The following GATA4 variants were observed in gnomAD, a reference collection of about 807,000 sequenced individuals.
GATA4 encodes GATA binding protein 4, also known as transcription factor GATA-4.
A neutral mutation model predicts 37.9 loss-of-function variants in GATA4; 7 were observed. The observed-to-expected ratio is 0.18, with a 90% confidence interval of 0.11 to 0.35. The LOEUF is 0.35. GATA4 is among the 10% of genes least tolerant of loss of function. GATA4 has a pLI of 1.00. For synonymous variants in GATA4, 372 were observed against 292.6 expected (o/e 1.27, Z -2.77); for missense variants, 647 against 653.0 (o/e 0.99, Z 0.10).
chr8:11,703,676 C>A (rs1336549632), upstream of GATA4, among the ~76,000 whole-genome samples: 1 of 152,238 alleles, frequency 6.6e-6, no homozygotes, highest in African/African-American at 2.4e-5. Flanking sequence ...GGTCTCTACG[C>A]TCTGATTTTA....
chr8:11,709,351 C>T lies in GATA4; in HGVS notation c.616+423C>T, dbSNP rs186453507. On this transcript the variant is annotated intron_variant, in intron 2 of 6. Transcript: ENST00000532059. The surrounding 1 kb of genome is among the most constrained non-coding windows in gnomAD (Gnocchi z 4.3). ...CTTTCCTCCCCGCCCGCCCTCGGGC[C>T]TCCGCAGGGAACTGATTACAATGGT... Among the ~76,000 whole-genome samples, 81 of 152,348 alleles carry T rather than the reference C, an allele frequency of 5.3e-4. No individual in the cohort carries two copies. The East Asian group carries it at 0.014, about 27-fold the overall frequency.
At chr8:11,731,557 G>A (rs1286416000) in intron 2 of GATA4, among the ~76,000 whole-genome samples, 3 of 152,216 alleles carry the variant, frequency 2.0e-5, no homozygotes, top group African/African-American at 7.2e-5. Context: ...CAGAAGAGGG[G>A]TTGCCAGGTG....
chr8:11,757,140 C>G, intron 6 of GATA4, 57 bp downstream of exon 6: 1 of 1,605,680 alleles, frequency 6.2e-7, no homozygotes, highest in South Asian at 1.1e-5. Flanking sequence ...CTGCAGAGTC[C>G]CAGAGGCCAG....
chr8:11,735,622 G>T (rs1169895786), intron 2 of GATA4, among the ~76,000 whole-genome samples: 4 of 152,130 alleles, frequency 2.6e-5, no homozygotes, highest in African/African-American at 7.2e-5. Context: ...GAGTGCAATG[G>T]TGCAATCTCG....
At chr8:11,682,130 A>G (rs1310128397) in intron 1 of GATA4, among the ~76,000 whole-genome samples, 1 of 152,218 alleles carries the variant, frequency 6.6e-6, no homozygotes, top group African/African-American at 2.4e-5. Context: ...CTAATGGCAC[A>G]TTTTAAATAA....
chr8:11,714,373 G>A (rs147300339), intron 2 of GATA4, among the ~76,000 whole-genome samples: 17 of 152,298 alleles, frequency 1.1e-4, no homozygotes, highest in Admixed American at 1.0e-3. Flanking sequence ...TTTTTATGGT[G>A]CAGGTCAGTG....
At chr8:11,743,531 G>T (rs1014197462) in intron 2 of GATA4, among the ~76,000 whole-genome samples, 5 of 152,238 alleles carry the variant, frequency 3.3e-5, no homozygotes, top group Non-Finnish European at 7.3e-5. Flanking sequence ...TGTCTCCCCA[G>T]CGGCCAGCAG....
In GATA4 at chr8:11,709,581, G is replaced by GT. The variant is rs1322868188; in HGVS notation, c.616+653_616+654insT. Among the ~76,000 whole-genome samples, 2 of 151,846 alleles carry GT rather than the reference G, an allele frequency of 1.3e-5. No homozygotes were observed. Among genetic ancestry groups the GT allele is most frequent in the Non-Finnish European group, 2.9e-5 (2 of 67,836 alleles). ...GGGCGCATCATGCGGGCAGCGGGGG[G>GT]GGGGGCGCACACGCCCGGTCAGTGT... On this transcript the variant is annotated intron_variant, in intron 2 of 6. Transcript: ENST00000532059. The surrounding 1 kb of genome is among the most constrained non-coding windows in gnomAD (Gnocchi z 4.3).
chr8:11,695,935 TA>T (rs1799495917), intron 1 of GATA4, among the ~76,000 whole-genome samples: 1 of 152,200 alleles, frequency 6.6e-6, no homozygotes, highest in South Asian at 2.1e-4. Flanking sequence ...AATGATCCTT[TA>T]AAAAGAAATG....
upstream of GATA4, among the ~76,000 whole-genome samples, chr8:11,702,407 C>T (rs1245865397): frequency 6.6e-6 from 1 of 151,938 alleles, no homozygotes; most frequent in African/African-American, 2.4e-5. The surrounding 1 kb of genome is among the most constrained non-coding windows in gnomAD (Gnocchi z 4.4). Flanking sequence ...CCCAGATTTT[C>T]CACTCTCCAG....
At chr8:11,702,393 C>G (rs1272643173), upstream of GATA4, among the ~76,000 whole-genome samples, 2 of 151,988 alleles carry the variant, frequency 1.3e-5, no homozygotes, top group African/African-American at 4.8e-5. The surrounding 1 kb of genome is among the most constrained non-coding windows in gnomAD (Gnocchi z 4.4). Context: ...CCCGCTCGCC[C>G]AAGCCCAGAT....
At chr8:11,697,713 C>A (rs1799547003) in intron 1 of GATA4, 1 of 985,366 alleles carries the variant, frequency 1.0e-6, no homozygotes, top group East Asian at 1.1e-4. Flanking sequence ...CTTCGCGCTT[C>A]CTTGACACTT....
intron 2 of GATA4, among the ~76,000 whole-genome samples, chr8:11,734,430 C>T (rs1406229705): frequency 1.3e-5 from 2 of 152,218 alleles, no homozygotes; most frequent in Non-Finnish European, 2.9e-5. Flanking sequence ...TTGCAGAAGA[C>T]CATCATCTCA....
intron 2 of GATA4, among the ~76,000 whole-genome samples, chr8:11,738,689 T>C (rs1295203377): frequency 6.6e-6 from 1 of 152,226 alleles, no homozygotes; most frequent in East Asian, 1.9e-4. Context: ...CACATGCATT[T>C]ATACTTTTGA....
At chr8:11,753,578 G>A (rs894131788) in intron 4 of GATA4, among the ~76,000 whole-genome samples, 2 of 151,466 alleles carry the variant, frequency 1.3e-5, no homozygotes, top group African/African-American at 2.4e-5. Context: ...TTGAACATTT[G>A]AGGCATAGCT....
At chr8:11,688,798 G>A (rs1399398108), upstream of GATA4, among the ~76,000 whole-genome samples, 3 of 152,168 alleles carry the variant, frequency 2.0e-5, no homozygotes, top group Non-Finnish European at 4.4e-5. Flanking sequence ...AAGAATTGAT[G>A]GCCCCAATTA....
Position 11,758,729 on chromosome 8 carries a change from T to G in GATA4, c.*254T>G. ...AGCACACTGCATCTCTCCTGTGAGT[T>G]GGAGACTTCTTTCCCAAGATGTCCT... On this transcript the variant is annotated 3_prime_UTR_variant, in exon 7 of 7. Transcript: ENST00000532059. 1 of 540,516 alleles carries G rather than the reference T, an allele frequency of 1.9e-6. No individual in the cohort carries two copies. The highest frequency in any genetic ancestry group is 3.3e-6 in the Non-Finnish European group (1 of 299,126). The allele number at this position is 540,516 out of a possible 1,614,324, so 33.5% of individuals were successfully genotyped here.
At chr8:11,719,190 T>A (rs1800562219) in intron 2 of GATA4, among the ~76,000 whole-genome samples, 1 of 151,706 alleles carries the variant, frequency 6.6e-6, no homozygotes, top group South Asian at 2.1e-4. Flanking sequence ...TATCAGGTAT[T>A]AGGTGGGGGA....
At chr8:11,692,941 C>T in intron 1 of GATA4, 1 of 984,946 alleles carries the variant, frequency 1.0e-6, no homozygotes, top group Non-Finnish European at 1.2e-6. Context: ...CAGCGCGCAC[C>T]TCATCAATAA....
Sources: gnomAD v4.1 joint callset for allele counts (sites outside exome capture counted in the v4.1 genomes callset) on GRCh38, gnomAD v4.1.1 for gene constraint, Gnocchi (gnomAD v3.1) non-coding constraint, MANE v1.5 for transcripts, NCBI Gene and HGNC (gene_info 2026-07-23, HGNC 2026-07-21) for gene names.